The following SNTB1 variants were observed in gnomAD, a reference collection of about 807,000 sequenced individuals.
The protein encoded by SNTB1 is syntrophin beta 1.
Under a neutral mutation model 48.9 loss-of-function variants are expected in SNTB1, and 36 were observed. The observed-to-expected ratio is 0.74, with a 90% CI of 0.56 to 0.97. SNTB1 has a LOEUF of 0.97. Ranked by LOEUF, SNTB1 falls within the 50% of genes least tolerant of loss-of-function variation. SNTB1 has a pLI of 0.00. For missense variants in SNTB1, 786 were observed against 703.4 expected, an observed-to-expected ratio of 1.12 and a Z score of -1.33; for synonymous variants, 299 against 294.6, an observed-to-expected ratio of 1.01 and a Z score of -0.15.
intron 2 of SNTB1, 146 bp downstream of exon 2, chr8:120,693,546 C>T: frequency 1.4e-6 from 1 of 712,192 alleles, no homozygotes; most frequent in Non-Finnish European, 2.5e-6. Flanking sequence ...CACAGACACA[C>T]ACAATTCTCA....
At chr8:120,651,879 T>C (rs1231330211) in intron 2 of SNTB1, among the ~76,000 whole-genome samples, 1 of 151,958 alleles carries the variant, frequency 6.6e-6, no homozygotes, top group Non-Finnish European at 1.5e-5. Context: ...GACAGAACAG[T>C]GAGAATAATA....
chr8:120,598,864 G>A (rs1307296834), intron 3 of SNTB1, among the ~76,000 whole-genome samples: 1 of 151,932 alleles, frequency 6.6e-6, no homozygotes, highest in Non-Finnish European at 1.5e-5. Flanking sequence ...TTCTCTCTCT[G>A]ACTCTGCTTC....
chr8:120,569,084 G>A (rs911738362), intron 4 of SNTB1, among the ~76,000 whole-genome samples: 1 of 152,214 alleles, frequency 6.6e-6, no homozygotes, highest in African/African-American at 2.4e-5. Flanking sequence ...AGGTTCAAGC[G>A]ATTCTCATGC....
At chr8:120,728,375 G>A (rs984905598) in intron 1 of SNTB1, among the ~76,000 whole-genome samples, 23 of 152,116 alleles carry the variant, frequency 1.5e-4, no homozygotes, top group Non-Finnish European at 2.2e-4. Flanking sequence ...TACACAGGCA[G>A]GCTTGTTACC....
At position 120,536,451 on chromosome 8, in the gene SNTB1, C is replaced by A. The variant is rs903447597; in HGVS notation, c.*2426G>T. Reference sequence around the variant, plus strand: ...GTCATACACACCAGCACACATCAGACAAGATTAAAATCTACAGTGTAAAGT... The same window carrying A: ...GTCATACACACCAGCACACATCAGAAAAGATTAAAATCTACAGTGTAAAGT... On this transcript the variant is annotated 3_prime_UTR_variant, in exon 7 of 7. Coordinates refer to ENST00000517992, the MANE Select transcript of SNTB1 (RefSeq NM_021021.4). The A allele has an allele frequency of 1.3e-4, 20 of 152,032 alleles. No homozygotes were observed. Among genetic ancestry groups the A allele is most frequent in the African/African-American group, 4.8e-4 (20 of 41,396 alleles). The allele number at this position is 152,032 out of a possible 1,614,324, so 9.4% of individuals were successfully genotyped here.
chr8:120,590,181 A>G (rs147312497), intron 3 of SNTB1, among the ~76,000 whole-genome samples: 2 of 152,336 alleles, frequency 1.3e-5, no homozygotes, highest in East Asian at 1.9e-4. Flanking sequence ...AGGAAATGAT[A>G]TAAGTGTGAT....
chr8:120,673,216 T>C (rs770252001), intron 2 of SNTB1, among the ~76,000 whole-genome samples: 1 of 152,154 alleles, frequency 6.6e-6, no homozygotes, highest in Admixed American at 6.5e-5. Flanking sequence ...CTGCATTCAA[T>C]TCTCTGCTAA....
At chr8:120,605,820 C>T (rs1563829694) in intron 3 of SNTB1, among the ~76,000 whole-genome samples, 1 of 152,132 alleles carries the variant, frequency 6.6e-6, no homozygotes, top group African/African-American at 2.4e-5. Flanking sequence ...CCTGTGGTGT[C>T]AGCCTTATGG....
chr8:120,548,170 G>A (rs1815414997), intron 5 of SNTB1, among the ~76,000 whole-genome samples: 1 of 152,078 alleles, frequency 6.6e-6, no homozygotes, highest in African/African-American at 2.4e-5. Flanking sequence ...CTATTGCCAT[G>A]TGATATCCCA....
intron 1 of SNTB1, among the ~76,000 whole-genome samples, chr8:120,727,141 A>C (rs1442741546): frequency 6.6e-6 from 1 of 152,214 alleles, no homozygotes; most frequent in African/African-American, 2.4e-5. Context: ...CCAATGCAGT[A>C]AAGAATAATA....
chr8:120,713,470 G>A (rs545449859), intron 1 of SNTB1, among the ~76,000 whole-genome samples: 7 of 152,300 alleles, frequency 4.6e-5, no homozygotes, highest in Non-Finnish European at 7.3e-5. Flanking sequence ...GGTGGCTCAT[G>A]CCTGTAATCC....
intron 2 of SNTB1, among the ~76,000 whole-genome samples, chr8:120,644,583 T>C (rs2129685118): frequency 6.6e-6 from 1 of 152,286 alleles, no homozygotes; most frequent in Admixed American, 6.5e-5. Flanking sequence ...TTGGGTTGGT[T>C]CCAAGTCTTT....
intron 3 of SNTB1, among the ~76,000 whole-genome samples, chr8:120,615,478 T>A (rs1273534743): frequency 6.6e-6 from 1 of 152,158 alleles, no homozygotes; most frequent in Admixed American, 6.5e-5. Flanking sequence ...GGGGCCTCAT[T>A]AAAAACTGAG....
intron 4 of SNTB1, among the ~76,000 whole-genome samples, chr8:120,561,542 C>G (rs1815660239): frequency 6.6e-6 from 1 of 151,884 alleles, no homozygotes; most frequent in Non-Finnish European, 1.5e-5. Flanking sequence ...ATTTAGCAGT[C>G]TTGGAGCTAT....
chr8:120,723,611 G>T (rs138590361), intron 1 of SNTB1, among the ~76,000 whole-genome samples: 88 of 152,250 alleles, frequency 5.8e-4, no homozygotes, highest in Middle Eastern at 3.4e-3. Context: ...GCAGTGAAGG[G>T]GCTGTACAGC....
At chr8:120,622,471 A>G (rs190454398) in intron 3 of SNTB1, among the ~76,000 whole-genome samples, 9 of 152,354 alleles carry the variant, frequency 5.9e-5, no homozygotes. Context: ...ATAGCAGCCC[A>G]GTACTATTAG....
intron 3 of SNTB1, among the ~76,000 whole-genome samples, chr8:120,582,774 G>A (rs761534310): frequency 2.0e-5 from 3 of 152,126 alleles, no homozygotes; most frequent in South Asian, 2.1e-4. Flanking sequence ...TGGGGGACAA[G>A]GGGAGGGAGA....
intron 1 of SNTB1, among the ~76,000 whole-genome samples, chr8:120,793,301 A>C (rs1400143566): frequency 6.6e-6 from 1 of 152,074 alleles, no homozygotes; most frequent in Non-Finnish European, 1.5e-5. Flanking sequence ...AGAGTGATTT[A>C]ACGGTATGCA....
At chr8:120,652,016 G>A (rs1252936053) in intron 2 of SNTB1, among the ~76,000 whole-genome samples, 1 of 152,170 alleles carries the variant, frequency 6.6e-6, no homozygotes, top group Non-Finnish European at 1.5e-5. Context: ...AATTGGAAGG[G>A]AGATTTTTAC....
Sources: allele counts gnomAD v4.1 joint callset (sites outside exome capture counted in the v4.1 genomes callset), GRCh38; gene constraint gnomAD v4.1.1; transcripts MANE v1.5; gene names NCBI Gene and HGNC (gene_info 2026-07-23, HGNC 2026-07-21).